C10orf71: variants seen among roughly 807,000 people sequenced by gnomAD.
The protein encoded by C10orf71 is cardiac-enriched FHL2-interacting protein.
For synonymous variants in C10orf71, 758 were observed against 726.3 expected, an observed-to-expected ratio of 1.04 and a Z score of -0.70; for missense variants, 1,869 against 1,804.5, an observed-to-expected ratio of 1.04 and a Z score of -0.65.
chr10:49,323,563 G>A lies in C10orf71; in HGVS notation c.1018G>A (p.Ala340Thr). The A allele has an allele frequency of 1.9e-6, 3 of 1,605,556 alleles. No individual in the cohort carries two copies. Among genetic ancestry groups the A allele is most frequent in the Non-Finnish European group, 2.6e-6 (3 of 1,175,114 alleles). The change falls in exon 3 of 3, where the codon GCA becomes ACA. Residue 340 changes from alanine (A) to threonine (T), a missense_variant. By Grantham distance (58) the Ala-to-Thr change is moderately conservative. Transcript: ENST00000374144. ...SCSQEENRLA[A>T]GALSTSIPWG... ...CAGTCAGGAAGAGAACAGACTTGCA[G>A]CAGGGGCTCTGTCCACATCTATACC...
chr10:49,323,125 A>G lies in C10orf71; in HGVS notation c.580A>G (p.Thr194Ala), dbSNP rs997259779. The G allele has an allele frequency of 1.3e-5, 21 of 1,613,834 alleles. No homozygotes were observed. In the Admixed American group the frequency reaches 2.3e-4, roughly 18 times the overall value. Residue 194 changes from threonine (T) to alanine (A), a missense_variant, in exon 3 of 3, where the codon ACA (threonine) becomes GCA (alanine). Coordinates refer to ENST00000374144, the MANE Select transcript of C10orf71 (RefSeq NM_001135196.2). ...VNFCFDSAFL[T>A]VRRVPAEVSN... ...CTTCTGCTTCGATTCTGCCTTTCTGACAGTCAGGAGGGTGCCCGCTGAAGT... is the reference window on the plus strand; with the variant it reads ...CTTCTGCTTCGATTCTGCCTTTCTGGCAGTCAGGAGGGTGCCCGCTGAAGT...
Position 49,326,785 on chromosome 10 carries a change from G to A in C10orf71, c.4240G>A (p.Glu1414Lys). 1.3e-6 allele frequency: 2 copies of A among 1,550,546 alleles called. No individual in the cohort carries two copies. Among genetic ancestry groups the A allele is most frequent in the Non-Finnish European group, 1.7e-6 (2 of 1,147,016 alleles). Residue 1414 changes from glutamate (E) to lysine (K), a missense_variant, in exon 3 of 3, where the codon GAA becomes AAA. Physicochemically the swap from Glu to Lys is moderately conservative, Grantham distance 56 (BLOSUM62 1). Coordinates refer to ENST00000374144, the MANE Select transcript of C10orf71 (RefSeq NM_001135196.2). Reference protein sequence around the residue: ...PPQSPGEEGVEAPGLGIISTD... With the variant: ...PPQSPGEEGVKAPGLGIISTD... ...CCAGAGCCCAGGAGAGGAGGGTGTA[G>A]AAGCTCCAGGCCTGGGCATCATCTC...
chr10:49,327,133 TCTCC>T lies in C10orf71; in HGVS notation c.*291_*294del. ...CCCAGGCGCACTCTACTCCAGCCCTTCTCCCTCCCTCCCTTCCTCCCTCTCCTGG... is the reference window on the plus strand; with the variant it reads ...CCCAGGCGCACTCTACTCCAGCCCTTCTCCCTCCCTTCCTCCCTCTCCTGG... On this transcript the variant is annotated 3_prime_UTR_variant, in exon 3 of 3. Coordinates refer to ENST00000374144, the MANE Select transcript of C10orf71 (RefSeq NM_001135196.2). The T allele has an allele frequency of 7.8e-6, 8 of 1,026,834 alleles. No homozygotes were observed. Among genetic ancestry groups the T allele is most frequent in the Admixed American group, 2.9e-5 (1 of 34,318 alleles). 63.6% of individuals were successfully genotyped at this position (1,026,834 alleles called of 1,614,324 possible).
At chr10:49,320,014 A>G (rs1277966807) in intron 2 of C10orf71, among the ~76,000 whole-genome samples, 1 of 152,104 alleles carries the variant, frequency 6.6e-6, no homozygotes, top group Non-Finnish European at 1.5e-5. Flanking sequence ...CTTAATGGGT[A>G]AAGAGTTTCA....
chr10:49,322,738 G>A lies in C10orf71; in HGVS notation c.193G>A (p.Gly65Arg). The A allele has an allele frequency of 6.2e-7, 1 of 1,613,866 alleles. No homozygotes were observed. The highest frequency in any genetic ancestry group is 8.5e-7 in the Non-Finnish European group (1 of 1,179,798). ...VSPDITRQVF[G>R]TFHQRTVGHT... ...CCCGGATATCACCCGACAGGTGTTT[G>A]GGACTTTTCACCAGAGAACAGTGGG... is the stretch of plus-strand genomic sequence containing the variant. Residue 65 changes from glycine (G) to arginine (R), a missense_variant, in exon 3 of 3, where the codon GGG becomes AGG. Transcript: ENST00000374144.
Position 49,324,693 on chromosome 10 carries a change from C to A in C10orf71, c.2148C>A (p.Ser716=). 1 of 1,607,264 alleles carries A rather than the reference C, an allele frequency of 6.2e-7. No individual in the cohort carries two copies. The change falls in exon 3 of 3, where the codon TCC becomes TCA. Residue 716 remains serine, a synonymous_variant. Transcript: ENST00000374144. ...EEDVFYSDSQ[S]DFMPSLKGKA... ...ATGTGTTTTACAGTGACAGCCAATC[C>A]GATTTTATGCCAAGCCTCAAAGGTA...
chr10:49,300,070 G>A (rs1398184060), intron 1 of C10orf71, among the ~76,000 whole-genome samples: 2 of 152,190 alleles, frequency 1.3e-5, no homozygotes, highest in South Asian at 2.1e-4. Flanking sequence ...CATTGAGAAC[G>A]GCAGTGGTCA....
rs755904916 is a variant in C10orf71 at position 49,325,533 on chromosome 10, A to G, written c.2988A>G (p.Ala996=). Residue 996 remains alanine, a synonymous_variant, in exon 3 of 3, where the codon GCA becomes GCG. Coordinates refer to ENST00000374144, the MANE Select transcript of C10orf71 (RefSeq NM_001135196.2). ...GTTCTGCAGACTCAGGGAAGCTGGCAGCCCCATGGCACATCCCCACCATTG... is the reference window on the plus strand; with the variant it reads ...GTTCTGCAGACTCAGGGAAGCTGGCGGCCCCATGGCACATCCCCACCATTG... ...KSGSADSGKL[A]APWHIPTIAL... is the part of the protein sequence containing the mutation. The G allele has an allele frequency of 2.6e-5, 40 of 1,551,178 alleles. No individual in the cohort carries two copies. Among genetic ancestry groups the G allele is most frequent in the Admixed American group, 5.9e-5 (3 of 50,946 alleles).
upstream of C10orf71, chr10:49,299,064 C>T (rs1364005937): frequency 1.3e-5 from 2 of 152,256 alleles, no homozygotes; most frequent in African/African-American, 4.8e-5. Flanking sequence ...CAATTTCTCA[C>T]TCCCCAAGTG....
In C10orf71 at chr10:49,323,190, G is replaced by A. The variant is rs368177954; in HGVS notation, c.645G>A (p.Lys215=). Residue 215 remains lysine (K), a synonymous_variant, in exon 3 of 3, where the codon AAG becomes AAA. Transcript: ENST00000374144. ...AGAACAGCTACCAGCCAGGCAGGAA[G>A]CACGGAGAACAGGAGTCCTCCAAGA... ...THQNSYQPGR[K]HGEQESSKNP... 159 of 1,613,886 alleles carry A rather than the reference G, an allele frequency of 9.9e-5. No homozygotes were observed. The highest frequency in any genetic ancestry group is 1.2e-4 in the Non-Finnish European group (144 of 1,179,910).
chr10:49,310,296 A>AT (rs1848888540), intron 1 of C10orf71, among the ~76,000 whole-genome samples: 1 of 152,232 alleles, frequency 6.6e-6, no homozygotes, highest in African/African-American at 2.4e-5. Context: ...TGAAAGTGAA[A>AT]TGAAACCCTC....
At chr10:49,304,501 G>A (rs1848780688) in intron 1 of C10orf71, among the ~76,000 whole-genome samples, 2 of 152,222 alleles carry the variant, frequency 1.3e-5, no homozygotes, top group South Asian at 4.1e-4. Flanking sequence ...CTACCAGGGG[G>A]CTAACATTTG....
At position 49,322,705 on chromosome 10, in the gene C10orf71, G is replaced by A. The variant is rs764031595; in HGVS notation, c.160G>A (p.Ala54Thr). 1 of 1,613,932 alleles carries A rather than the reference G, an allele frequency of 6.2e-7. No individual in the cohort carries two copies. The highest frequency in any genetic ancestry group is 8.5e-7 in the Non-Finnish European group (1 of 1,179,880). Residue 54 changes from alanine (A) to threonine (T), a missense_variant, in exon 3 of 3, where the codon GCT becomes ACT. Transcript: ENST00000374144. ...CACATCCTTCCATGACTCCTATCTG[G>A]CTGTGTCCCCGGATATCACCCGACA... ...EDTSFHDSYL[A>T]VSPDITRQVF...
In C10orf71 at chr10:49,323,036, C is replaced by T. The variant is rs1486198399; in HGVS notation, c.491C>T (p.Ala164Val). ...ESQRCESRPT[A>V]SKPPALKNPP... ...CAACGTTGTGAGAGCAGGCCCACTG[C>T]CAGCAAGCCTCCGGCTCTGAAAAAT... is the stretch of plus-strand genomic sequence containing the variant. The change falls in exon 3 of 3, where the codon GCC becomes GTC. Residue 164 changes from alanine (A) to valine (V), a missense_variant. By Grantham distance (64) the Ala-to-Val change is moderately conservative (BLOSUM62 0). Transcript: ENST00000374144. The T allele has an allele frequency of 2.5e-6, 4 of 1,613,872 alleles. No homozygotes were observed. Among genetic ancestry groups the T allele is most frequent in the Non-Finnish European group, 8.5e-7 (1 of 1,179,894 alleles).
Position 49,322,800 on chromosome 10 carries a change from A to T in C10orf71, c.255A>T (p.Leu85Phe). ...TQRKSGIWSQ[L>F]PSQGTEHSGW... ...GGAAAAGTGGCATTTGGAGCCAGTT[A>T]CCGTCACAGGGCACGGAACATTCGG... The change falls in exon 3 of 3, where the codon TTA (leucine) becomes TTT (phenylalanine). Residue 85 changes from leucine to phenylalanine, a missense_variant. Transcript: ENST00000374144. 1 of 1,613,748 alleles carries T rather than the reference A, an allele frequency of 6.2e-7. No homozygotes were observed. The highest frequency in any genetic ancestry group is 8.5e-7 in the Non-Finnish European group (1 of 1,179,710).
rs921866008 is a variant in C10orf71 at position 49,316,162 on chromosome 10, C to T, written c.-230C>T. ...CTTTCCAGATGGGCAGTGATGACACCAAATATAAGCATAAAAAGACGTTTT... is the reference window on the plus strand; with the variant it reads ...CTTTCCAGATGGGCAGTGATGACACTAAATATAAGCATAAAAAGACGTTTT... On this transcript the variant is annotated 5_prime_UTR_variant, in exon 2 of 3. Transcript: ENST00000374144. 6 of 152,142 alleles carry T rather than the reference C, an allele frequency of 3.9e-5. No individual in the cohort carries two copies. The highest frequency in any genetic ancestry group is 3.9e-4 in the Admixed American group (6 of 15,268). The allele number at this position is 152,142 out of a possible 1,614,324, so 9.4% of individuals were successfully genotyped here. A position where few individuals can be genotyped will look rare whatever the true frequency, so the allele number is the denominator to read the frequency against.
rs757701040 is a variant in C10orf71 at position 49,323,015 on chromosome 10, G to T, written c.470G>T (p.Arg157Leu). The stretch of plus-strand genomic sequence containing the variant: ...TCTTTCGACAGGACCGAGAGCCAAC[G>T]TTGTGAGAGCAGGCCCACTGCCAGC... ...IKSFDRTESQ[R>L]CESRPTASKP... Residue 157 changes from arginine to leucine, a missense_variant, in exon 3 of 3, where the codon CGT becomes CTT. Coordinates refer to ENST00000374144, the MANE Select transcript of C10orf71 (RefSeq NM_001135196.2). The T allele has an allele frequency of 6.2e-7, 1 of 1,613,958 alleles. No individual in the cohort carries two copies. The highest frequency in any genetic ancestry group is 1.1e-5 in the South Asian group (1 of 91,080).
At chr10:49,300,863 GA>G (rs1848717315) in intron 1 of C10orf71, among the ~76,000 whole-genome samples, 1 of 152,212 alleles carries the variant, frequency 6.6e-6, no homozygotes, top group Non-Finnish European at 1.5e-5. Context: ...GGGGCTGGTA[GA>G]ATGCTGTGTC....
rs565931287 is a variant in C10orf71, at chr10:49,325,304, C to T, written c.2759C>T (p.Thr920Ile). ...NQDILGTSTP[T>I]NTRGTRVKCM... ...GACATTCTTGGTACATCGACACCCA[C>T]TAACACACGGGGCACACGTGTGAAG... Residue 920 changes from threonine to isoleucine, a missense_variant, in exon 3 of 3, where the codon ACT (threonine) becomes ATT (isoleucine). Physicochemically the swap from Thr to Ile is moderately conservative, Grantham distance 89. Coordinates refer to ENST00000374144, the MANE Select transcript of C10orf71 (RefSeq NM_001135196.2). 5.2e-6 allele frequency: 8 copies of T among 1,551,756 alleles called. No individual in the cohort carries two copies. In the African/African-American group the frequency reaches 5.5e-5, roughly 11 times the overall value.
Sources: allele counts gnomAD v4.1 joint callset (sites outside exome capture counted in the v4.1 genomes callset), GRCh38; gene constraint gnomAD v4.1.1; transcripts MANE v1.5; gene names NCBI Gene and HGNC (gene_info 2026-07-23, HGNC 2026-07-21).